Variants in COL1A2 observed in about 807,000 individuals in gnomAD.
COL1A2 encodes collagen type I alpha 2 chain, also known as collagen alpha-2(I) chain.
COL1A2 carries 49 observed loss-of-function variants against 174.3 expected under a neutral mutation model. The observed-to-expected ratio is 0.28, with a 90% CI of 0.22 to 0.36. The LOEUF (loss-of-function observed/expected upper bound fraction) is 0.36, where lower values mean the gene tolerates loss of function less well. Among genes scored for constraint, COL1A2 ranks in the 10% least tolerant of loss-of-function variants. COL1A2 has a pLI of 1.00. For missense variants in COL1A2, 1,438 were observed against 1,822.7 expected (o/e 0.79, Z 3.84); for synonymous variants, 655 against 606.6 (o/e 1.08, Z -1.17).
Position 94,426,458 on chromosome 7 carries a change from C to T in COL1A2, c.3033C>T (p.Pro1011=), listed in dbSNP as rs780036812. The change falls in exon 46 of 52, where the codon CCC becomes CCT. Residue 1011 remains proline, a synonymous_variant. Coordinates refer to ENST00000297268, the MANE Select transcript of COL1A2 (RefSeq NM_000089.4). Reference sequence around the variant, plus strand: ...GCATTCGTGGCGATAAGGGAGAGCCCGGTGAAAAGGGGCCCAGAGGTCTTC... The same window carrying T: ...GCATTCGTGGCGATAAGGGAGAGCCTGGTGAAAAGGGGCCCAGAGGTCTTC... ...PQGIRGDKGE[P]GEKGPRGLPG... 26 of 1,606,306 alleles carry T rather than the reference C, an allele frequency of 1.6e-5. No homozygotes were observed. The highest frequency in any genetic ancestry group is 4.5e-5 in the South Asian group (4 of 88,722).
At chr7:94,428,121 G>A (rs1325537310) in intron 49 of COL1A2, among the ~76,000 whole-genome samples, 172 bp from the exon 50 acceptor site, 1 of 152,130 alleles carries the variant, frequency 6.6e-6, no homozygotes. Flanking sequence ...TCATGGAGGA[G>A]GGGAGGGAAG....
intron 15 of COL1A2, 79 bp from the exon 16 acceptor site, chr7:94,408,691 A>G: frequency 1.4e-6 from 2 of 1,480,476 alleles, no homozygotes; most frequent in South Asian, 1.1e-5. Flanking sequence ...ACTGTAAGCA[A>G]CTTCAATCTT....
intron 41 of COL1A2, chr7:94,424,753 G>A (rs1792239504): frequency 6.5e-6 from 3 of 464,298 alleles, no homozygotes; most frequent in Non-Finnish European, 1.2e-5. Flanking sequence ...TATCCTGTAG[G>A]AAGAATGAAA....
chr7:94,398,370 A>T lies in COL1A2; in HGVS notation c.82-12A>T. On this transcript the variant is annotated splice_polypyrimidine_tract_variant and intron_variant, in intron 2 of 51. Coordinates refer to ENST00000297268, the MANE Select transcript of COL1A2 (RefSeq NM_000089.4). ...TTTTCTTCATAATAATCTTTGATTT[A>T]TTCTTTTCTAGGAAACTGTAAGAAA... The T allele has an allele frequency of 1.1e-6, 1 of 903,798 alleles. No individual in the cohort carries two copies. The highest frequency in any genetic ancestry group is 1.6e-6 in the Non-Finnish European group (1 of 615,676). The allele number at this position is 903,798 out of a possible 1,614,324, so 56.0% of individuals were successfully genotyped here. A position where few individuals can be genotyped will look rare whatever the true frequency, so the allele number is the denominator to read the frequency against.
chr7:94,429,110 T>TC, intron 50 of COL1A2, 78 bp from the exon 51 acceptor site: 1 of 914,592 alleles, frequency 1.1e-6, no homozygotes, highest in Non-Finnish European at 1.6e-6. Context: ...TTTTTTTTCT[T>TC]TTTTTTTTTT....
At chr7:94,430,076 C>T in intron 51 of COL1A2, 171 bp from the exon 52 acceptor site, 1 of 672,554 alleles carries the variant, frequency 1.5e-6, no homozygotes, top group Non-Finnish European at 2.6e-6. Flanking sequence ...GAGCCCCTCC[C>T]ACTAAAGACA....
In COL1A2 at chr7:94,424,377, T is replaced by C. The variant is rs2115946445; in HGVS notation, c.2607T>C (p.Ala869=). The C allele has an allele frequency of 1.2e-6, 2 of 1,614,168 alleles. No homozygotes were observed. The highest frequency in any genetic ancestry group is 1.7e-6 in the Non-Finnish European group (2 of 1,180,020). Residue 869 remains alanine (A), a synonymous_variant, in exon 41 of 52, where the codon GCT becomes GCC. Transcript: ENST00000297268. ...GTPGPQGLLG[A]PGILGLPGSR... The stretch of plus-strand genomic sequence containing the variant: ...CAGGTCCTCAGGGTCTTCTTGGTGC[T>C]CCTGGTATTCTGGGTCTCCCTGGCT...
At chr7:94,408,443 C>T in intron 15 of COL1A2, 63 bp downstream of exon 15, 1 of 1,532,440 alleles carries the variant, frequency 6.5e-7, no homozygotes, top group Non-Finnish European at 9.0e-7. Context: ...CTGTCTTCTT[C>T]ATTAATCTCT....
At position 94,413,762 on chromosome 7, in the gene COL1A2, C is replaced by T; in HGVS notation, c.1611+19C>T. The T allele has an allele frequency of 1.9e-6, 3 of 1,613,958 alleles. No individual in the cohort carries two copies. The highest frequency in any genetic ancestry group is 2.5e-6 in the Non-Finnish European group (3 of 1,179,794). ...ACCACAGGTGAGTATTTCTCCCACT[C>T]TTGTGCTCTTCTGCACTAGAATGTA... On this transcript the variant is annotated intron_variant, in intron 27 of 51. Transcript: ENST00000297268.
chr7:94,399,151 G>A (rs1584312860), intron 4 of COL1A2, 67 bp downstream of exon 4: 1 of 1,419,716 alleles, frequency 7.0e-7, no homozygotes, highest in African/African-American at 1.4e-5. Flanking sequence ...AGAAACTACA[G>A]GAACTGGCAA....
chr7:94,429,362 AATG>A lies in COL1A2; in HGVS notation c.3890_3892del (p.Asp1297del). 6.2e-7 allele frequency: 1 copy of A among 1,613,942 alleles called. No individual in the cohort carries two copies. On this transcript the variant is annotated inframe_deletion, in exon 51 of 52. Transcript: ENST00000297268. Reference sequence around the variant, plus strand: ...AAAGGCTGTCATTCTACAGGGCTCTAATGATGTTGAACTTGTTGCTGAGGGCAA... The same window carrying A: ...AAAGGCTGTCATTCTACAGGGCTCTAATGTTGAACTTGTTGCTGAGGGCAA...
rs116152587 is a variant in COL1A2, at chr7:94,403,198, C to T, written c.280-1358C>T. ...TATGGATTTCAGATACCCCTGTTTT[C>T]GGAACATCTGTCTTGGCATAAAGCA... On this transcript the variant is annotated intron_variant, in intron 6 of 51. Transcript: ENST00000297268. 4.0e-3 allele frequency among the ~76,000 whole-genome samples: 612 copies of T among 152,232 alleles called. 4 individuals carry two copies. Among genetic ancestry groups the T allele is most frequent in the African/African-American group, 0.014 (573 of 41,554 alleles).
Position 94,408,597 on chromosome 7 carries a change from T to C in COL1A2, c.739-173T>C, listed in dbSNP as rs559235024. ...CAAAATATCCCCACCCTGGATACCA[T>C]GAATGTCTTGCCTTTGATGAGATCC... On this transcript the variant is annotated intron_variant, in intron 15 of 51. Transcript: ENST00000297268. Among the ~76,000 whole-genome samples, 39 of 152,346 alleles carry C rather than the reference T, an allele frequency of 2.6e-4. No individual in the cohort carries two copies. The South Asian group carries it at 7.7e-3, about 30-fold the overall frequency.
chr7:94,397,764 TA>T lies in COL1A2; in HGVS notation c.81+10del. The T allele has an allele frequency of 7.6e-7, 1 of 1,313,666 alleles. No individual in the cohort carries two copies. The highest frequency in any genetic ancestry group is 1.1e-6 in the Non-Finnish European group (1 of 920,122). 81.4% of individuals were successfully genotyped at this position (1,313,666 alleles called of 1,614,324 possible). Reference sequence around the variant, plus strand: ...TTTCTACAGCTTTACAAGAGGTGAGTAAAACTTTTTTTAGAATTTTTAAAAA... The same window carrying T: ...TTTCTACAGCTTTACAAGAGGTGAGTAAACTTTTTTTAGAATTTTTAAAAA... On this transcript the variant is annotated splice_region_variant and intron_variant, in intron 2 of 51. Coordinates refer to ENST00000297268, the MANE Select transcript of COL1A2 (RefSeq NM_000089.4).
chr7:94,414,405 T>C, intron 29 of COL1A2, 130 bp downstream of exon 29: 2 of 854,932 alleles, frequency 2.3e-6, no homozygotes, highest in Non-Finnish European at 3.9e-6. Context: ...TGATAGTGTT[T>C]TACATACTTT....
chr7:94,407,931 A>C (rs373292107), intron 13 of COL1A2, 40 bp downstream of exon 13: 7 of 1,552,874 alleles, frequency 4.5e-6, no homozygotes, highest in Non-Finnish European at 6.2e-6. Flanking sequence ...AAATGTGTAC[A>C]CTCTTTATGA....
intron 5 of COL1A2, among the ~76,000 whole-genome samples, chr7:94,400,896 T>C (rs1181920800): frequency 6.6e-6 from 1 of 152,186 alleles, no homozygotes; most frequent in Non-Finnish European, 1.5e-5. Flanking sequence ...CCCAACTGTA[T>C]GTCAGTAAAA....
chr7:94,412,101 G>C lies in COL1A2; in HGVS notation c.1384G>C (p.Ala462Pro). The C allele has an allele frequency of 6.2e-7, 1 of 1,612,728 alleles. No homozygotes were observed. ...TGGTTCCCCTGGAAATATCGGCCCC[G>C]CTGGAAAAGAAGGTCCTGTCGTAAG... is the stretch of plus-strand genomic sequence containing the variant. ...LPGSPGNIGP[A>P]GKEGPVGLPG... Residue 462 changes from alanine (A) to proline (P), a missense_variant, in exon 24 of 52, where the codon GCT (alanine) becomes CCT (proline). This residue lies in a region of COL1A2 where 867 missense variants were observed against 1,213.7 expected (regional missense o/e 0.71). Coordinates refer to ENST00000297268, the MANE Select transcript of COL1A2 (RefSeq NM_000089.4).
chr7:94,417,273 A>G (rs1483270200), intron 31 of COL1A2, among the ~76,000 whole-genome samples: 2 of 152,212 alleles, frequency 1.3e-5, no homozygotes, highest in Non-Finnish European at 1.5e-5. Flanking sequence ...GTGGAATTGT[A>G]GGGTTTTATA....
Sources: gnomAD v4.1 joint callset for allele counts (sites outside exome capture counted in the v4.1 genomes callset) on GRCh38, gnomAD v4.1.1 for gene constraint, gnomAD v4.1.1 regional missense constraint, MANE v1.5 for transcripts, NCBI Gene and HGNC (gene_info 2026-07-23, HGNC 2026-07-21) for gene names.